The following RTL9 variants were observed in gnomAD, a reference collection of about 807,000 sequenced individuals.
RTL9 encodes the protein retrotransposon Gag like 9.
A neutral mutation model predicts 44.7 loss-of-function variants in RTL9; 19 were observed. The ratio of observed to expected loss-of-function variants is 0.42; its 90% CI spans 0.30 to 0.62. The LOEUF is 0.62. RTL9 is among the 20% of genes least tolerant of loss of function. The pLI is 0.16. For synonymous variants in RTL9, 407 were observed against 398.9 expected (o/e 1.02, Z -0.24); for missense variants, 1,105 against 1,080.6 (o/e 1.02, Z -0.32).
At chrX:110,405,088 TC>T (rs35297150) in intron 1 of RTL9, among the ~76,000 whole-genome samples, 7,713 of 73,690 alleles carry the variant, frequency 0.1, 740 homozygotes, top group African/African-American at 0.28. Context: ...GCTTGTTGTG[TC>T]CCCCCCCCCC....
chrX:110,373,927 G>C (rs1417271568), intron 1 of RTL9, among the ~76,000 whole-genome samples: 1 of 111,502 alleles, frequency 9.0e-6, no homozygotes, highest in Middle Eastern at 4.6e-3. Context: ...TGAGTGAAGA[G>C]AGAACAAATG....
At chrX:110,417,480 A>AT (rs371569472), upstream of RTL9, among the ~76,000 whole-genome samples, 246 of 108,577 alleles carry the variant, frequency 2.3e-3, 1 homozygote, top group East Asian at 0.01. Context: ...GCAAATGAGC[A>AT]TTTTTTTTTT....
intron 1 of RTL9, among the ~76,000 whole-genome samples, chrX:110,435,693 T>C (rs2068833999): frequency 8.9e-6 from 1 of 112,138 alleles, no homozygotes; most frequent in Admixed American, 9.5e-5. Context: ...TGAGGACTTC[T>C]ACTGATTTCT....
At chrX:110,361,688 C>T (rs1489138848) in intron 1 of RTL9, among the ~76,000 whole-genome samples, 1 of 112,412 alleles carries the variant, frequency 8.9e-6, no homozygotes, top group Non-Finnish European at 1.9e-5. Flanking sequence ...TCGCCATTCT[C>T]TATCTGCCTT....
chrX:110,362,482 C>G (rs1219845061), intron 1 of RTL9, among the ~76,000 whole-genome samples: 1 of 112,302 alleles, frequency 8.9e-6, no homozygotes, highest in Non-Finnish European at 1.9e-5. Flanking sequence ...GCAATAGCTT[C>G]TATTGACAAC....
At chrX:110,453,722 A>C (rs756501930) in exon 1 of RTL9, 4 of 1,211,319 alleles carry the variant, frequency 3.3e-6, no homozygotes, top group Non-Finnish European at 3.4e-6. Context: ...TGAGAGCCTC[A>C]GTTTCTGGAT....
At chrX:110,383,954 G>A (rs1015502360) in intron 1 of RTL9, among the ~76,000 whole-genome samples, 3 of 111,847 alleles carry the variant, frequency 2.7e-5, no homozygotes, top group East Asian at 2.8e-4. Flanking sequence ...CTTCAGCTTC[G>A]TCATGTATAA....
chrX:110,407,937 C>T (rs898536426), intron 1 of RTL9, among the ~76,000 whole-genome samples: 16 of 112,477 alleles, frequency 1.4e-4, no homozygotes, highest in Admixed American at 5.6e-4. Flanking sequence ...TGACTATCAA[C>T]GGCCTGGGTC....
At chrX:110,403,455 G>C (rs939501051) in intron 1 of RTL9, among the ~76,000 whole-genome samples, 9 of 111,559 alleles carry the variant, frequency 8.1e-5, no homozygotes, top group Non-Finnish European at 1.3e-4. Context: ...CAGACAGACA[G>C]ACACACACAC....
At chrX:110,364,746 A>G (rs1214015978) in intron 1 of RTL9, among the ~76,000 whole-genome samples, 1 of 111,619 alleles carries the variant, frequency 9.0e-6, no homozygotes, top group Non-Finnish European at 1.9e-5. Context: ...AGCCATACTA[A>G]TTTCTTTACT....
Position 110,450,752 on chromosome X carries a change from T to C in RTL9, c.135T>C (p.His45=). The C allele has an allele frequency of 2.5e-6, 3 of 1,211,801 alleles. No individual in the cohort carries two copies. The Admixed American group carries it at 6.5e-5, about 26-fold the overall frequency. ...CAGACGTACAGATTCTGCATTCTCA[T>C]GTACAGTTGCCTATAGTCTCAACTT... Residue 45 remains histidine, a synonymous_variant, in exon 1 of 2, where the codon CAT becomes CAC. Coordinates refer to ENST00000540313, the Ensembl canonical transcript of RTL9.
chrX:110,424,443 G>A (rs963576939), intron 1 of RTL9, among the ~76,000 whole-genome samples: 3 of 111,526 alleles, frequency 2.7e-5, no homozygotes, highest in Middle Eastern at 4.6e-3. Context: ...ACCCAGGCCT[G>A]CATGAGTCCC....
chrX:110,431,954 G>T (rs1221828659), intron 1 of RTL9, among the ~76,000 whole-genome samples: 2 of 112,069 alleles, frequency 1.8e-5, no homozygotes, highest in Non-Finnish European at 3.8e-5. Flanking sequence ...CAGAGGAAAG[G>T]GCTCATGGAG....
At chrX:110,433,094 C>T (rs753573080) in intron 1 of RTL9, among the ~76,000 whole-genome samples, 3 of 112,400 alleles carry the variant, frequency 2.7e-5, no homozygotes, top group East Asian at 5.6e-4. Flanking sequence ...TCTGTGAGCT[C>T]GTGAGAACCT....
intron 1 of RTL9, among the ~76,000 whole-genome samples, chrX:110,361,917 C>G (rs755715437): frequency 8.9e-6 from 1 of 111,752 alleles, no homozygotes; most frequent in Non-Finnish European, 1.9e-5. Context: ...ATGAGCATGG[C>G]TGTGTTCCAA....
At chrX:110,399,949 A>G (rs1458800237) in intron 1 of RTL9, among the ~76,000 whole-genome samples, 3 of 111,934 alleles carry the variant, frequency 2.7e-5, no homozygotes, top group Non-Finnish European at 5.6e-5. Flanking sequence ...ACAACATTTT[A>G]AAGAAATTGA....
chrX:110,377,666 C>CT (rs1234229925), intron 1 of RTL9, among the ~76,000 whole-genome samples: 1 of 111,506 alleles, frequency 9.0e-6, no homozygotes, highest in Non-Finnish European at 1.9e-5. Flanking sequence ...ATCATAACTT[C>CT]TGTTTTCACT....
At chrX:110,371,345 A>G (rs917155289) in intron 1 of RTL9, among the ~76,000 whole-genome samples, 1 of 111,800 alleles carries the variant, frequency 8.9e-6, no homozygotes, top group Non-Finnish European at 1.9e-5. Flanking sequence ...AAATAAACAC[A>G]TCATGAAGAA....
chrX:110,395,591 C>T (rs1043068258), intron 1 of RTL9, among the ~76,000 whole-genome samples: 1 of 112,287 alleles, frequency 8.9e-6, no homozygotes, highest in Admixed American at 9.4e-5. Flanking sequence ...GTGGTAAAGC[C>T]GGGACTGAAA....
Sources: gnomAD v4.1 joint callset for allele counts (sites outside exome capture counted in the v4.1 genomes callset) on GRCh38, gnomAD v4.1.1 for gene constraint, MANE v1.5 for transcripts, NCBI Gene and HGNC (gene_info 2026-07-23, HGNC 2026-07-21) for gene names.